The following PPP2R3A variants were observed in gnomAD, a reference collection of about 807,000 sequenced individuals.
The protein encoded by PPP2R3A is protein phosphatase 2 regulatory subunit B''alpha.
Under a neutral mutation model 106.9 loss-of-function variants are expected in PPP2R3A, and 80 were observed. The observed-to-expected ratio is 0.75, with a 90% CI of 0.62 to 0.90. The LOEUF (loss-of-function observed/expected upper bound fraction) is 0.90, where lower values mean the gene tolerates loss of function less well. Ranked by LOEUF, PPP2R3A falls within the 40% of genes least tolerant of loss-of-function variation. The pLI is 0.00. For synonymous variants in PPP2R3A, 483 were observed against 468.3 expected, an observed-to-expected ratio of 1.03 and a Z score of -0.41; for missense variants, 1,386 against 1,350.4, an observed-to-expected ratio of 1.03 and a Z score of -0.41.
chr3:136,032,304 G>A (rs552403090), intron 3 of PPP2R3A, among the ~76,000 whole-genome samples: 21 of 152,092 alleles, frequency 1.4e-4, no homozygotes, highest in African/African-American at 4.6e-4. Flanking sequence ...TGTAAAAGGG[G>A]TCGAGTTCTT....
intron 13 of PPP2R3A, among the ~76,000 whole-genome samples, chr3:136,132,274 A>T (rs1938458279): frequency 6.6e-6 from 1 of 152,164 alleles, no homozygotes; most frequent in Non-Finnish European, 1.5e-5. Context: ...CCAGGGCAGT[A>T]AGGCAAGAAA....
chr3:136,141,073 A>T (rs1367580684), intron 13 of PPP2R3A, among the ~76,000 whole-genome samples: 1 of 152,254 alleles, frequency 6.6e-6, no homozygotes, highest in Non-Finnish European at 1.5e-5. Context: ...ACTGTACTAT[A>T]GCCCAAGGAA....
intron 3 of PPP2R3A, 28 bp from the exon 4 acceptor site, chr3:136,040,831 T>G (rs1174993945): frequency 6.4e-7 from 1 of 1,557,884 alleles, no homozygotes; most frequent in Non-Finnish European, 8.8e-7. Flanking sequence ...CCCTGTTGGC[T>G]TACCCTGTAT....
At chr3:135,997,991 C>CT (rs1933469631) in intron 1 of PPP2R3A, among the ~76,000 whole-genome samples, 2 of 152,162 alleles carry the variant, frequency 1.3e-5, no homozygotes, top group Non-Finnish European at 2.9e-5. Flanking sequence ...GCCTAAAAGT[C>CT]TTTGTTTTTC....
At chr3:136,100,513 T>TA (rs778637778) in intron 10 of PPP2R3A, among the ~76,000 whole-genome samples, 1,895 of 139,034 alleles carry the variant, frequency 0.014, 27 homozygotes, top group African/African-American at 0.037. Flanking sequence ...CGTCTCTCCT[T>TA]AAAAAAAAAA....
intron 5 of PPP2R3A, among the ~76,000 whole-genome samples, chr3:136,056,146 A>G (rs1220787543): frequency 1.3e-5 from 2 of 152,358 alleles, no homozygotes; most frequent in African/African-American, 2.4e-5. Flanking sequence ...AATATCCTAC[A>G]TAATACCTGA....
intron 13 of PPP2R3A, among the ~76,000 whole-genome samples, chr3:136,107,367 G>A (rs953595649): frequency 4.0e-5 from 6 of 149,534 alleles, no homozygotes; most frequent in African/African-American, 1.5e-4. Flanking sequence ...TCATGTTCTT[G>A]CTTACTCTTC....
chr3:136,040,588 G>T (rs1393673160), intron 3 of PPP2R3A, among the ~76,000 whole-genome samples: 4 of 152,172 alleles, frequency 2.6e-5, no homozygotes, highest in African/African-American at 9.7e-5. Flanking sequence ...TTAACTGTCA[G>T]GTTGGAGGAG....
rs1361993037 is a variant in PPP2R3A at position 136,070,649 on chromosome 3, C to A, written c.2544+97C>A. 4 of 935,058 alleles carry A rather than the reference C, an allele frequency of 4.3e-6. No homozygotes were observed. The Admixed American group carries it at 9.7e-5, about 23-fold the overall frequency. The allele number at this position is 935,058 out of a possible 1,614,324, so 57.9% of individuals were successfully genotyped here. On this transcript the variant is annotated intron_variant, in intron 6 of 13. Coordinates refer to ENST00000264977, the MANE Select transcript of PPP2R3A (RefSeq NM_002718.5). ...TTTCAAGTATCTATGCAAAAGGTAA[C>A]ATGGGTTATAATGATTATTTCAAGT...
intron 8 of PPP2R3A, 88 bp from the exon 9 acceptor site, chr3:136,087,795 G>T: frequency 1.1e-6 from 1 of 895,768 alleles, no homozygotes; most frequent in Non-Finnish European, 1.8e-6. Context: ...TTAGCTTGTA[G>T]CTAGTGAAAA....
At chr3:136,057,332 A>G (rs915938318) in intron 5 of PPP2R3A, among the ~76,000 whole-genome samples, 5 of 152,200 alleles carry the variant, frequency 3.3e-5, no homozygotes, top group African/African-American at 1.2e-4. Flanking sequence ...ATTAGTCATA[A>G]AAAAGAATGA....
chr3:136,143,483 T>G (rs1474289005), intron 13 of PPP2R3A, among the ~76,000 whole-genome samples: 1 of 151,266 alleles, frequency 6.6e-6, no homozygotes, highest in Admixed American at 6.6e-5. Flanking sequence ...AGAGCAAGAC[T>G]CCATCTCAAA....
At chr3:136,003,606 C>T in intron 2 of PPP2R3A, 113 bp downstream of exon 2, 1 of 894,376 alleles carries the variant, frequency 1.1e-6, no homozygotes, top group Non-Finnish European at 1.7e-6. Flanking sequence ...TAAAGCTCTG[C>T]CCTACACTAG....
At chr3:135,970,546 G>A (rs1257827833) in intron 1 of PPP2R3A, among the ~76,000 whole-genome samples, 3 of 152,164 alleles carry the variant, frequency 2.0e-5, no homozygotes, top group South Asian at 2.1e-4. Flanking sequence ...TAAAGATGTG[G>A]AACAAAAATG....
chr3:136,023,166 T>G, intron 2 of PPP2R3A: 1 of 1,613,456 alleles, frequency 6.2e-7, no homozygotes, highest in Non-Finnish European at 8.5e-7. Context: ...CCCTTCACGG[T>G]TTAAGAAGCG....
At chr3:136,047,190 C>G (rs1935500237) in intron 4 of PPP2R3A, among the ~76,000 whole-genome samples, 1 of 152,164 alleles carries the variant, frequency 6.6e-6, no homozygotes, top group African/African-American at 2.4e-5. Context: ...GGAAATTTCC[C>G]CAGTCTCACT....
intron 5 of PPP2R3A, chr3:136,055,535 A>C: frequency 7.7e-7 from 1 of 1,299,794 alleles, no homozygotes; most frequent in Non-Finnish European, 1.1e-6. Flanking sequence ...CATTCTCTGC[A>C]TTCACTGACC....
chr3:136,078,233 A>G (rs181539366), intron 6 of PPP2R3A, 134 bp from the exon 7 acceptor site: 319 of 656,808 alleles, frequency 4.9e-4, no homozygotes, highest in Non-Finnish European at 7.3e-4. Flanking sequence ...GCTGATTTTT[A>G]CTAGGAATTA....
In PPP2R3A at chr3:136,001,109, C is replaced by G. The variant is rs1304132957; in HGVS notation, c.-390C>G. The G allele has an allele frequency of 2.5e-6, 1 of 398,736 alleles. No homozygotes were observed. The highest frequency in any genetic ancestry group is 4.4e-6 in the Non-Finnish European group (1 of 226,494). The allele number at this position is 398,736 out of a possible 1,614,324, so 24.7% of individuals were successfully genotyped here. On this transcript the variant is annotated 5_prime_UTR_variant, in exon 2 of 14. Transcript: ENST00000264977. ...GAATCATTTAAACCTTTGGAGGACT[C>G]AGTTATCACAATACTTCTCTACTAC...
Sources: gnomAD v4.1 joint callset for allele counts (sites outside exome capture counted in the v4.1 genomes callset) on GRCh38, gnomAD v4.1.1 for gene constraint, MANE v1.5 for transcripts, NCBI Gene and HGNC (gene_info 2026-07-23, HGNC 2026-07-21) for gene names.